The following PLEKHA7 variants were observed in gnomAD, a reference collection of about 807,000 sequenced individuals.
The protein encoded by PLEKHA7 is pleckstrin homology domain containing A7, also known as pleckstrin homology domain-containing family A member 7.
PLEKHA7 carries 104 observed loss-of-function variants against 170.0 expected under a neutral mutation model. That is an observed-to-expected ratio of 0.61 (90% CI 0.52 to 0.72). The LOEUF is 0.72. Ranked by LOEUF, PLEKHA7 falls within the 30% of genes least tolerant of loss-of-function variation. The pLI is 0.00. For synonymous variants in PLEKHA7, 648 were observed against 660.8 expected, an observed-to-expected ratio of 0.98 and a Z score of 0.30; for missense variants, 1,615 against 1,671.7, an observed-to-expected ratio of 0.97 and a Z score of 0.59.
At chr11:16,983,548 G>C (rs1863561620) in intron 3 of PLEKHA7, among the ~76,000 whole-genome samples, 1 of 152,278 alleles carries the variant, frequency 6.6e-6, no homozygotes, top group Admixed American at 6.5e-5. Context: ...AGAATTCATA[G>C]GGCTGCTGAT....
At chr11:16,948,542 T>A (rs1861194776) in intron 3 of PLEKHA7, among the ~76,000 whole-genome samples, 1 of 151,944 alleles carries the variant, frequency 6.6e-6, no homozygotes, top group African/African-American at 2.4e-5. Flanking sequence ...AAAGAATAGA[T>A]AGGTAAGATG....
chr11:16,911,277 C>A (rs1304552633), intron 3 of PLEKHA7, among the ~76,000 whole-genome samples: 3 of 152,140 alleles, frequency 2.0e-5, no homozygotes, highest in Non-Finnish European at 4.4e-5. Flanking sequence ...GGGGTTCTCT[C>A]AAGGGAGCTT....
At chr11:16,921,565 G>T (rs1203496644) in intron 3 of PLEKHA7, among the ~76,000 whole-genome samples, 1 of 152,224 alleles carries the variant, frequency 6.6e-6, no homozygotes, top group Non-Finnish European at 1.5e-5. Flanking sequence ...TTCCTACTTT[G>T]GGAGATAGGT....
chr11:17,014,081 G>A (rs747085164), intron 2 of PLEKHA7, 35 bp from the exon 3 acceptor site: 6 of 1,581,370 alleles, frequency 3.8e-6, no homozygotes, highest in Non-Finnish European at 3.4e-6. Flanking sequence ...GTCAAACTTG[G>A]GCCGCCGCTG....
In PLEKHA7 at chr11:16,789,476, G is replaced by A; in HGVS notation, c.3157-180C>T. ...AGCAACACGATGCCCCCAACCCTCA[G>A]GAGCTTTCTGAGTAGCACCCATTCT... On this transcript the variant is annotated intron_variant, in intron 22 of 26. Transcript: ENST00000531066. This position sits in a 1 kb window ranked among gnomAD's most constrained non-coding sequence, Gnocchi z 4.6. The A allele has an allele frequency of 1.5e-6, 1 of 652,822 alleles. No homozygotes were observed. The highest frequency in any genetic ancestry group is 1.9e-5 in the South Asian group (1 of 52,266). The allele number at this position is 652,822 out of a possible 1,614,324, so 40.4% of individuals were successfully genotyped here. A position where few individuals can be genotyped will look rare whatever the true frequency, so the allele number is the denominator to read the frequency against.
At position 17,004,021 on chromosome 11, in the gene PLEKHA7, C is replaced by T. The variant is rs780293116; in HGVS notation, c.221+9968G>A. Among the ~76,000 whole-genome samples, 10 of 152,224 alleles carry T rather than the reference C, an allele frequency of 6.6e-5. 1 individual carries two copies. Among genetic ancestry groups the T allele is most frequent in the Admixed American group, 3.3e-4 (5 of 15,288 alleles). Reference sequence around the variant, plus strand: ...CTCCGCACTCCTCTGTCACCTAAGACTGAACAGGGGGAACTCGCATTCCTC... The same window carrying T: ...CTCCGCACTCCTCTGTCACCTAAGATTGAACAGGGGGAACTCGCATTCCTC... On this transcript the variant is annotated intron_variant, in intron 3 of 26. Coordinates refer to ENST00000531066, the MANE Select transcript of PLEKHA7 (RefSeq NM_001329630.2).
chr11:16,808,885 G>A lies in PLEKHA7; in HGVS notation c.2007+4228C>T, dbSNP rs142650195. ...TGGGCAAAGCGTGTGATGCATGGAC[G>A]AAAGAAGGCAGGTGTGAAGTCAGTT... is the stretch of plus-strand genomic sequence containing the variant. On this transcript the variant is annotated intron_variant, in intron 13 of 26. Coordinates refer to ENST00000531066, the MANE Select transcript of PLEKHA7 (RefSeq NM_001329630.2). 3.9e-5 allele frequency among the ~76,000 whole-genome samples: 6 copies of A among 152,306 alleles called. No homozygotes were observed. In the East Asian group the frequency reaches 9.6e-4, roughly 24 times the overall value.
At chr11:16,938,284 C>T (rs1048464152) in intron 3 of PLEKHA7, among the ~76,000 whole-genome samples, 10 of 152,146 alleles carry the variant, frequency 6.6e-5, no homozygotes, top group African/African-American at 2.4e-4. Flanking sequence ...GGGAAAGACA[C>T]GTGGCTTCGT....
chr11:16,810,134 C>G (rs994283518), intron 13 of PLEKHA7, among the ~76,000 whole-genome samples: 8 of 152,246 alleles, frequency 5.3e-5, no homozygotes, highest in African/African-American at 1.7e-4. Flanking sequence ...GGGAATGGGG[C>G]CCCTGGCTAC....
chr11:16,834,071 C>T (rs1046941139), intron 9 of PLEKHA7, among the ~76,000 whole-genome samples: 2 of 152,040 alleles, frequency 1.3e-5, no homozygotes, highest in Non-Finnish European at 2.9e-5. Context: ...AGTGCAGTGG[C>T]GCGGTTTCGA....
chr11:16,979,714 A>T (rs188879694), intron 3 of PLEKHA7, among the ~76,000 whole-genome samples: 1 of 139,958 alleles, frequency 7.1e-6, no homozygotes, highest in African/African-American at 2.6e-5. Flanking sequence ...CAGCAAGATT[A>T]AAAAAAAAAA....
At chr11:16,939,537 G>C (rs979859041) in intron 3 of PLEKHA7, among the ~76,000 whole-genome samples, 1 of 152,190 alleles carries the variant, frequency 6.6e-6, no homozygotes, top group African/African-American at 2.4e-5. Context: ...AGTTTTTATT[G>C]AGTCAATTTA....
chr11:16,977,048 A>G (rs1863113769), intron 3 of PLEKHA7, among the ~76,000 whole-genome samples: 1 of 152,188 alleles, frequency 6.6e-6, no homozygotes, highest in Non-Finnish European at 1.5e-5. Context: ...CCTCAGCCAG[A>G]GCATCCCCAT....
intron 17 of PLEKHA7, 79 bp from the exon 18 acceptor site, chr11:16,795,097 C>T (rs1848127965): frequency 1.9e-6 from 2 of 1,036,886 alleles, no homozygotes; most frequent in South Asian, 2.6e-5. Flanking sequence ...CCATTTCAGA[C>T]AGAGCCCCCC....
At position 16,826,268 on chromosome 11, in the gene PLEKHA7, C is replaced by G. The variant is rs762436317; in HGVS notation, c.1195G>C (p.Ala399Pro). ...QRAEKNGMLP[A>P]SYGPGEQNGT... ...TTCTGTTCTCCTGGGCCATATGAGG[C>G]AGGCAGCATTCCATTCTTCTCTGCC... is the stretch of plus-strand genomic sequence containing the variant. The change falls in exon 10 of 27, where the codon GCC becomes CCC. Residue 399 changes from alanine (A) to proline (P), a missense_variant. Ala to Pro is a conservative substitution (Grantham distance 27). Coordinates refer to ENST00000531066, the MANE Select transcript of PLEKHA7 (RefSeq NM_001329630.2). The G allele has an allele frequency of 6.2e-7, 1 of 1,614,230 alleles. No homozygotes were observed. The highest frequency in any genetic ancestry group is 8.5e-7 in the Non-Finnish European group (1 of 1,180,028).
In PLEKHA7 at chr11:16,826,444, T is replaced by A. The variant is rs143590971; in HGVS notation, c.1019A>T (p.Gln340Leu). The A allele has an allele frequency of 6.2e-6, 10 of 1,614,144 alleles. No individual in the cohort carries two copies. The African/African-American group carries it at 1.3e-4, about 22-fold the overall frequency. ...CTGGGAACGGTACTGCTCTCCCTCC[T>A]GCTCCTGCCTCTCGAAGTTGACAAT... is the stretch of plus-strand genomic sequence containing the variant. ...DDIVNFERQEQEGEQYRSQRD... is the reference protein window; with the variant it reads ...DDIVNFERQELEGEQYRSQRD... Residue 340 changes from glutamine (Q) to leucine (L), a missense_variant, in exon 10 of 27, where the codon CAG becomes CTG. By Grantham distance (113) the Gln-to-Leu change is moderately radical. Coordinates refer to ENST00000531066, the MANE Select transcript of PLEKHA7 (RefSeq NM_001329630.2).
At chr11:16,880,917 G>C (rs1282656452) in intron 3 of PLEKHA7, among the ~76,000 whole-genome samples, 1 of 152,202 alleles carries the variant, frequency 6.6e-6, no homozygotes, top group Non-Finnish European at 1.5e-5. Flanking sequence ...AGATGCTGCG[G>C]TTCATCTCAG....
At chr11:16,961,767 G>A (rs1450183679) in intron 3 of PLEKHA7, among the ~76,000 whole-genome samples, 1 of 152,202 alleles carries the variant, frequency 6.6e-6, no homozygotes, top group Non-Finnish European at 1.5e-5. Context: ...TGAGTCAGAT[G>A]GTCCTGAGAT....
chr11:16,944,170 A>C (rs1056798719), intron 3 of PLEKHA7, among the ~76,000 whole-genome samples: 3 of 151,996 alleles, frequency 2.0e-5, no homozygotes, highest in African/African-American at 7.3e-5. Context: ...CCTGGCCAAC[A>C]TGGTGATACC....
Sources: gnomAD v4.1 joint callset for allele counts (sites outside exome capture counted in the v4.1 genomes callset) on GRCh38, gnomAD v4.1.1 for gene constraint, Gnocchi (gnomAD v3.1) non-coding constraint, MANE v1.5 for transcripts, NCBI Gene and HGNC (gene_info 2026-07-23, HGNC 2026-07-21) for gene names.